The following OTUD7A variants were observed in gnomAD, a reference collection of about 807,000 sequenced individuals.
The protein encoded by OTUD7A is OTU domain-containing protein 7A.
In OTUD7A, 12 loss-of-function variants were observed where a neutral mutation model predicts 65.7. The ratio of observed to expected loss-of-function variants is 0.18; its 90% CI spans 0.12 to 0.30. The LOEUF is 0.30. Ranked by LOEUF, OTUD7A falls within the 10% of genes least tolerant of loss-of-function variation. The pLI is 1.00. For synonymous variants in OTUD7A, 641 were observed against 586.3 expected, an observed-to-expected ratio of 1.09 and a Z score of -1.35; for missense variants, 1,148 against 1,304.8, an observed-to-expected ratio of 0.88 and a Z score of 1.85.
intron 1 of OTUD7A, among the ~76,000 whole-genome samples, chr15:31,834,027 C>T (rs994761709): frequency 6.6e-6 from 1 of 152,168 alleles, no homozygotes; most frequent in African/African-American, 2.4e-5. Context: ...TGTAAAGCTT[C>T]CTATGATGTT....
chr15:31,592,896 A>AAG (rs1889775395), intron 3 of OTUD7A, among the ~76,000 whole-genome samples: 1 of 60,820 alleles, frequency 1.6e-5, no homozygotes, highest in Admixed American at 2.2e-4. Context: ...AAAAAAAAAA[A>AAG]AAAAAAAAAT....
At chr15:31,627,532 A>G (rs1395854621) in intron 3 of OTUD7A, among the ~76,000 whole-genome samples, 6 of 152,032 alleles carry the variant, frequency 3.9e-5, no homozygotes, top group Non-Finnish European at 5.9e-5. Flanking sequence ...GCTATTGTGA[A>G]TAGTGCTGCA....
At chr15:31,830,112 T>C (rs1270424087) in intron 1 of OTUD7A, among the ~76,000 whole-genome samples, 3 of 152,194 alleles carry the variant, frequency 2.0e-5, no homozygotes, top group Non-Finnish European at 4.4e-5. Flanking sequence ...CAAGCATCTG[T>C]GTCCCACAGT....
Position 31,856,331 on chromosome 15 carries a change from G to C in OTUD7A, c.-100+14176C>G, listed in dbSNP as rs144594974. On this transcript the variant is annotated intron_variant, in intron 1 of 12. Transcript: ENST00000307050. ...CTCCTGGGAAAGGCATGGGGATTGAGGGAAGAAAATGACTCCCATTTTACT... is the reference window on the plus strand; with the variant it reads ...CTCCTGGGAAAGGCATGGGGATTGACGGAAGAAAATGACTCCCATTTTACT... Among the ~76,000 whole-genome samples, 133 of 152,238 alleles carry C rather than the reference G, an allele frequency of 8.7e-4. 3 individuals carry two copies. In the East Asian group the frequency reaches 0.022, roughly 25 times the overall value.
intron 1 of OTUD7A, among the ~76,000 whole-genome samples, chr15:31,839,008 G>A (rs1897122853): frequency 6.6e-6 from 1 of 152,192 alleles, no homozygotes. Flanking sequence ...GCTGGGTTGG[G>A]GTGGGGAGTT....
intron 1 of OTUD7A, among the ~76,000 whole-genome samples, chr15:31,760,477 A>T (rs1037933813): frequency 3.3e-5 from 5 of 152,202 alleles, no homozygotes; most frequent in Admixed American, 1.3e-4. Flanking sequence ...TTATAAAGAT[A>T]CTTTCACTGG....
chr15:31,802,674 T>C (rs1896166647), intron 1 of OTUD7A, among the ~76,000 whole-genome samples: 1 of 152,272 alleles, frequency 6.6e-6, no homozygotes, highest in Non-Finnish European at 1.5e-5. Context: ...ACATTTGAGA[T>C]GTGGGATTAA....
At chr15:31,592,902 AAAATATAT>A (rs1281967461) in intron 3 of OTUD7A, among the ~76,000 whole-genome samples, 1 of 47,324 alleles carries the variant, frequency 2.1e-5, no homozygotes, top group Non-Finnish European at 3.4e-5. Flanking sequence ...AAAAAAAAAA[AAAATATAT>A]ATATATATAT....
chr15:31,753,277 G>T (rs1223593261), intron 1 of OTUD7A, among the ~76,000 whole-genome samples: 1 of 151,872 alleles, frequency 6.6e-6, no homozygotes, highest in Non-Finnish European at 1.5e-5. Context: ...GATCCAGGCA[G>T]TGTCACTGAA....
intron 1 of OTUD7A, among the ~76,000 whole-genome samples, chr15:31,667,440 T>C (rs1220639567): frequency 6.6e-6 from 1 of 152,210 alleles, no homozygotes. Flanking sequence ...GATATAAGAA[T>C]AGCTACTGCT....
At chr15:31,532,933 C>CAAAAA (rs35993038) in intron 5 of OTUD7A, among the ~76,000 whole-genome samples, 2 of 56,470 alleles carry the variant, frequency 3.5e-5, no homozygotes, top group Non-Finnish European at 4.6e-5. Flanking sequence ...GACTCCGTAT[C>CAAAAA]AAAAAAAAAA....
At chr15:31,710,374 C>T (rs1404802866) in intron 1 of OTUD7A, among the ~76,000 whole-genome samples, 5 of 150,102 alleles carry the variant, frequency 3.3e-5, no homozygotes, top group African/African-American at 7.3e-5. Flanking sequence ...CACACCTGCA[C>T]GTGCTCCTGG....
rs1566893939 is a variant in OTUD7A, at chr15:31,511,736, C to CATATATGTGTATATCTATATGTAACAT, written c.894-7919_894-7918insATGTTACATATAGATATACACATATAT. Among the ~76,000 whole-genome samples, 17 of 39,406 alleles carry CATATATGTGTATATCTATATGTAACAT rather than the reference C, an allele frequency of 4.3e-4. 8 individuals carry two copies. In the East Asian group the frequency reaches 0.015, roughly 34 times the overall value. The allele number at this position is 39,406 out of a possible 152,430, so 25.9% of individuals were successfully genotyped here. On this transcript the variant is annotated intron_variant, in intron 8 of 12. Coordinates refer to ENST00000307050, the MANE Select transcript of OTUD7A (RefSeq NM_001382637.1). Reference sequence around the variant, plus strand: ...TATATATGTATATCTATATGTAACACACATATATATGTATATCTATATGTA... The same window carrying CATATATGTGTATATCTATATGTAACAT: ...TATATATGTATATCTATATGTAACACATATATGTGTATATCTATATGTAACATACATATATATGTATATCTATATGTA...
At chr15:31,665,189 T>A in intron 1 of OTUD7A, among the ~76,000 whole-genome samples, 1 of 152,272 alleles carries the variant, frequency 6.6e-6, no homozygotes, top group East Asian at 1.9e-4. Context: ...TTTCTAATTC[T>A]GTGAAGAATG....
Position 31,612,455 on chromosome 15 carries a change from T to C in OTUD7A, c.152-42258A>G, listed in dbSNP as rs1369649571. On this transcript the variant is annotated intron_variant, in intron 3 of 12. Transcript: ENST00000307050. ...CTAAAAGAATTCACCAGTTTCTGGATACAAGATTAATGTACACAAATTGGT... is the reference window on the plus strand; with the variant it reads ...CTAAAAGAATTCACCAGTTTCTGGACACAAGATTAATGTACACAAATTGGT... 3.3e-5 allele frequency among the ~76,000 whole-genome samples: 5 copies of C among 152,274 alleles called. No individual in the cohort carries two copies. The East Asian group carries it at 7.7e-4, about 23-fold the overall frequency.
At chr15:31,634,308 C>A (rs905278487) in intron 3 of OTUD7A, among the ~76,000 whole-genome samples, 1 of 152,222 alleles carries the variant, frequency 6.6e-6, no homozygotes, top group Non-Finnish European at 1.5e-5. Context: ...CCTCTCTCTG[C>A]CACTGCTGAC....
chr15:31,521,498 A>G (rs1417677385), intron 8 of OTUD7A, among the ~76,000 whole-genome samples: 1 of 152,070 alleles, frequency 6.6e-6, no homozygotes, highest in Non-Finnish European at 1.5e-5. Context: ...GGTGGAAGTC[A>G]TGGCACCTTC....
rs558550715 is a variant in OTUD7A, at chr15:31,495,310, G to A, written c.1171+6380C>T. On this transcript the variant is annotated intron_variant, in intron 10 of 12. Transcript: ENST00000307050. ...GATGTATTGTGGATAAACACACCTC[G>A]TGCTTTTAATCAGCGTTACTCAGCT... Among the ~76,000 whole-genome samples the A allele has an allele frequency of 3.3e-5, 5 of 152,284 alleles. No individual in the cohort carries two copies. In the East Asian group the frequency reaches 5.8e-4, roughly 18 times the overall value.
chr15:31,762,754 TAAAAC>T (rs993187499), intron 1 of OTUD7A, among the ~76,000 whole-genome samples: 7 of 152,170 alleles, frequency 4.6e-5, no homozygotes, highest in Non-Finnish European at 1.0e-4. Flanking sequence ...GATTGCCTGA[TAAAAC>T]AAACAAAATC....
Sources: gnomAD v4.1 joint callset for allele counts (sites outside exome capture counted in the v4.1 genomes callset) on GRCh38, gnomAD v4.1.1 for gene constraint, MANE v1.5 for transcripts, NCBI Gene and HGNC (gene_info 2026-07-23, HGNC 2026-07-21) for gene names.